Variants in CHRM3 observed in about 807,000 individuals in gnomAD.
The protein encoded by CHRM3 is cholinergic receptor muscarinic 3.
A neutral mutation model predicts 41.8 loss-of-function variants in CHRM3; 11 were observed. The ratio of observed to expected loss-of-function variants is 0.26; its 90% confidence interval spans 0.17 to 0.44. The LOEUF is 0.44. CHRM3 is among the 20% of genes least tolerant of loss of function. The pLI is 1.00. For missense variants in CHRM3, 571 were observed against 745.4 expected, an observed-to-expected ratio of 0.77 and a Z score of 2.72; for synonymous variants, 297 against 301.4, an observed-to-expected ratio of 0.99 and a Z score of 0.15.
At chr1:239,903,227 C>T (rs1679718192) in intron 6 of CHRM3, among the ~76,000 whole-genome samples, 2 of 152,150 alleles carry the variant, frequency 1.3e-5, no homozygotes, top group African/African-American at 4.8e-5. Flanking sequence ...AACAACTGAC[C>T]TTAGGCTAAT....
In CHRM3 at chr1:239,683,440, G is replaced by T; in HGVS notation, c.-147+5152G>T. Among the ~76,000 whole-genome samples, 2 of 152,260 alleles carry T rather than the reference G, an allele frequency of 1.3e-5. 1 individual carries two copies. Among genetic ancestry groups the T allele is most frequent in the South Asian group, 4.1e-4 (2 of 4,820 alleles). On this transcript the variant is annotated intron_variant, in intron 5 of 6. Transcript: ENST00000676153. ...TAAAGGATTTGGACAAAGTCAAAGG[G>T]CCAAAATAGCTAATACTTTTATTAG...
chr1:239,404,719 A>T (rs374729965), intron 1 of CHRM3, among the ~76,000 whole-genome samples: 25 of 97,350 alleles, frequency 2.6e-4, no homozygotes, highest in East Asian at 6.4e-4. Context: ...GCTATATCTA[A>T]ATATATATAT....
chr1:239,763,203 T>A (rs1666940248), intron 5 of CHRM3, among the ~76,000 whole-genome samples: 1 of 152,196 alleles, frequency 6.6e-6, no homozygotes, highest in Non-Finnish European at 1.5e-5. Context: ...AGAACAACCA[T>A]TGCCTTAAAT....
At chr1:239,455,129 G>A (rs566633730) in intron 1 of CHRM3, among the ~76,000 whole-genome samples, 2 of 152,052 alleles carry the variant, frequency 1.3e-5, no homozygotes, top group South Asian at 2.1e-4. Context: ...TCGGCTCAGC[G>A]CAGCCTCTGC....
intron 3 of CHRM3, among the ~76,000 whole-genome samples, chr1:239,555,955 G>C (rs532460495): frequency 2.0e-5 from 3 of 152,098 alleles, no homozygotes; most frequent in African/African-American, 7.2e-5. Flanking sequence ...GATGGTTTTC[G>C]AACTAGAAAG....
Position 239,555,594 on chromosome 1 carries a change from G to C in CHRM3, c.-313+9845G>C, listed in dbSNP as rs569350095. 1.7e-4 allele frequency among the ~76,000 whole-genome samples: 26 copies of C among 152,262 alleles called. No homozygotes were observed. In the East Asian group the frequency reaches 1.7e-3, roughly 10 times the overall value. On this transcript the variant is annotated intron_variant, in intron 3 of 6. Transcript: ENST00000676153. The stretch of plus-strand genomic sequence containing the variant: ...GCAATGGTTACTGCCTCTTTCCATG[G>C]CAATGACTGGCAACCCAGAAGTTAC...
At chr1:239,410,234 A>G (rs1472672349) in intron 1 of CHRM3, among the ~76,000 whole-genome samples, 3 of 152,288 alleles carry the variant, frequency 2.0e-5, no homozygotes, top group South Asian at 2.1e-4. Flanking sequence ...TTCTCCAACC[A>G]TAATTTTTCC....
chr1:239,643,318 A>T (rs1026465084), intron 4 of CHRM3, among the ~76,000 whole-genome samples: 1 of 152,188 alleles, frequency 6.6e-6, no homozygotes, highest in African/African-American at 2.4e-5. Context: ...GGGACATTTA[A>T]GTCTGCAGTG....
chr1:239,768,193 G>A (rs1030511076), intron 5 of CHRM3, among the ~76,000 whole-genome samples: 2 of 152,172 alleles, frequency 1.3e-5, no homozygotes, highest in Non-Finnish European at 2.9e-5. Flanking sequence ...AGAGAATAGA[G>A]TATGCCCAAT....
intron 3 of CHRM3, among the ~76,000 whole-genome samples, chr1:239,576,404 G>C (rs935071208): frequency 5.3e-5 from 8 of 152,088 alleles, no homozygotes; most frequent in African/African-American, 1.9e-4. Flanking sequence ...TTGGGAATGA[G>C]AGTATTAACT....
At chr1:239,662,892 C>CTT (rs1558431294) in intron 4 of CHRM3, among the ~76,000 whole-genome samples, 1,472 of 126,998 alleles carry the variant, frequency 0.012, 45 homozygotes, top group African/African-American at 0.041. Context: ...TCTTCCTCCT[C>CTT]CTCTTCTTCT....
intron 3 of CHRM3, among the ~76,000 whole-genome samples, chr1:239,601,876 T>C (rs1375063680): frequency 6.6e-6 from 1 of 151,944 alleles, no homozygotes; most frequent in South Asian, 2.1e-4. Context: ...TCCGCCACAA[T>C]AGTCTTCAGT....
In CHRM3 at chr1:239,911,103, C is replaced by T. The variant is rs901314639; in HGVS notation, c.*1879C>T. On this transcript the variant is annotated 3_prime_UTR_variant, in exon 7 of 7. Coordinates refer to ENST00000676153, the MANE Select transcript of CHRM3 (RefSeq NM_001375978.1). ...CTGTGGCTAAGAAGAAGAAACATGT[C>T]ATCCTGTTGGCATCACCAAGCACCT... 1.8e-5 allele frequency: 3 copies of T among 166,968 alleles called. No homozygotes were observed. The highest frequency in any genetic ancestry group is 7.2e-5 in the African/African-American group (3 of 41,406). The allele number at this position is 166,968 out of a possible 1,614,324, so 10.3% of individuals were successfully genotyped here.
chr1:239,751,784 T>C (rs1418355359), intron 5 of CHRM3, among the ~76,000 whole-genome samples: 1 of 152,224 alleles, frequency 6.6e-6, no homozygotes, highest in African/African-American at 2.4e-5. Context: ...CAATAGGATC[T>C]ACCTGATAAG....
chr1:239,658,569 T>C (rs535313230), intron 4 of CHRM3, among the ~76,000 whole-genome samples: 3 of 152,322 alleles, frequency 2.0e-5, no homozygotes, highest in South Asian at 4.1e-4. Context: ...CTTGATTATA[T>C]GGTTGCCCAG....
intron 6 of CHRM3, among the ~76,000 whole-genome samples, chr1:239,893,926 C>T (rs925661968): frequency 2.0e-5 from 3 of 151,838 alleles, no homozygotes; most frequent in African/African-American, 4.8e-5. Flanking sequence ...GAGGTTTTTC[C>T]GCTTTGTATC....
intron 3 of CHRM3, among the ~76,000 whole-genome samples, chr1:239,603,284 G>A (rs1348354162): frequency 6.6e-6 from 1 of 152,056 alleles, no homozygotes; most frequent in Non-Finnish European, 1.5e-5. Flanking sequence ...AATTAAAGGT[G>A]AGAACATAGA....
At chr1:239,623,465 G>A (rs1323391026) in intron 3 of CHRM3, among the ~76,000 whole-genome samples, 1 of 146,410 alleles carries the variant, frequency 6.8e-6, no homozygotes, top group Non-Finnish European at 1.5e-5. Context: ...TGGCTGCATG[G>A]TATTCCATGG....
chr1:239,401,457 G>A (rs562182612), intron 1 of CHRM3, among the ~76,000 whole-genome samples: 3 of 151,558 alleles, frequency 2.0e-5, no homozygotes, highest in South Asian at 2.1e-4. Context: ...TCTGTATTTT[G>A]TCTTCTCCTG....
Sources: gnomAD v4.1 joint callset for allele counts (sites outside exome capture counted in the v4.1 genomes callset) on GRCh38, gnomAD v4.1.1 for gene constraint, MANE v1.5 for transcripts, NCBI Gene and HGNC (gene_info 2026-07-23, HGNC 2026-07-21) for gene names.